The following HSD17B12 variants were observed in gnomAD, a reference collection of about 807,000 sequenced individuals.
HSD17B12 encodes hydroxysteroid 17-beta dehydrogenase 12, also known as very-long-chain 3-oxoacyl-CoA reductase.
HSD17B12 carries 32 observed loss-of-function variants against 39.3 expected under a neutral mutation model. The observed-to-expected ratio is 0.81, with a 90% CI of 0.61 to 1.09. HSD17B12 has a LOEUF of 1.09. HSD17B12 is among the 50% of genes least tolerant of loss of function. The pLI, the probability that HSD17B12 is intolerant of heterozygous loss-of-function variation, is 0.00. For missense variants in HSD17B12, 342 were observed against 382.9 expected (o/e 0.89, Z 0.89); for synonymous variants, 150 against 146.7 (o/e 1.02, Z -0.16).
intron 9 of HSD17B12, among the ~76,000 whole-genome samples, chr11:43,847,017 AT>A (rs1951482312): frequency 6.6e-6 from 1 of 152,186 alleles, no homozygotes; most frequent in African/African-American, 2.4e-5. Flanking sequence ...AAATAAGACA[AT>A]TGTATAGAGT....
rs560559765 is a variant in HSD17B12 at position 43,681,006 on chromosome 11, C to T, written c.160+19C>T. 7.6e-6 allele frequency: 12 copies of T among 1,569,362 alleles called. No individual in the cohort carries two copies. The highest frequency in any genetic ancestry group is 1.0e-5 in the Non-Finnish European group (12 of 1,154,864). On this transcript the variant is annotated intron_variant, in intron 1 of 10. Transcript: ENST00000278353. ...TGGGCAGGTGAGTCGGATGCAGCGC[C>T]GCGTCCTCGCTCCCGCGGCGGCCCG...
intron 1 of HSD17B12, among the ~76,000 whole-genome samples, chr11:43,727,199 C>T (rs996093164): frequency 3.9e-5 from 6 of 152,188 alleles, no homozygotes; most frequent in African/African-American, 1.4e-4. Flanking sequence ...TGAATGTGGT[C>T]TTGCTGGTGC....
At chr11:43,734,163 A>T in intron 1 of HSD17B12, 2 of 1,569,704 alleles carry the variant, frequency 1.3e-6, no homozygotes, top group Non-Finnish European at 1.7e-6. Flanking sequence ...GATGCTGGAG[A>T]ACTAATCACC....
At chr11:43,628,247 CA>C in the HSD17B12 span, among the ~76,000 whole-genome samples, 1 of 151,164 alleles carries the variant, frequency 6.6e-6, no homozygotes, top group African/African-American at 2.4e-5. Flanking sequence ...AAACAAAAAC[CA>C]AAAAAAACCT....
chr11:43,808,074 A>G (rs891630168), intron 4 of HSD17B12, among the ~76,000 whole-genome samples: 1 of 152,208 alleles, frequency 6.6e-6, no homozygotes, highest in African/African-American at 2.4e-5. Context: ...CCCCAAGACA[A>G]GAAACCCTGG....
At chr11:43,782,713 A>G (rs1374637244) in intron 3 of HSD17B12, among the ~76,000 whole-genome samples, 3 of 152,052 alleles carry the variant, frequency 2.0e-5, no homozygotes, top group Non-Finnish European at 2.9e-5. Flanking sequence ...AGCCCATTGT[A>G]ATTATGATAA....
chr11:43,691,172 G>T (rs963056601), intron 1 of HSD17B12, among the ~76,000 whole-genome samples: 3 of 152,176 alleles, frequency 2.0e-5, no homozygotes, highest in African/African-American at 4.8e-5. Flanking sequence ...GGCAAATTCT[G>T]ATGCCTCAGG....
At chr11:43,656,017 G>C in the HSD17B12 span, among the ~76,000 whole-genome samples, 272 of 152,186 alleles carry the variant, frequency 1.8e-3, 2 homozygotes, top group African/African-American at 6.1e-3. Flanking sequence ...AGAATTTGGC[G>C]GTGAATCCAT....
intron 1 of HSD17B12, among the ~76,000 whole-genome samples, chr11:43,686,562 C>A (rs186507652): frequency 1.3e-5 from 2 of 151,768 alleles, no homozygotes; most frequent in East Asian, 3.9e-4. Flanking sequence ...TTCCCTCACT[C>A]CCCTCCCGAC....
chr11:43,723,793 T>G (rs901053879), intron 1 of HSD17B12, among the ~76,000 whole-genome samples: 1 of 152,192 alleles, frequency 6.6e-6, no homozygotes, highest in African/African-American at 2.4e-5. Context: ...GGTTTATTTT[T>G]AGACCTGCGT....
chr11:43,708,195 A>G lies in HSD17B12; in HGVS notation c.160+27208A>G, dbSNP rs554809758. The stretch of plus-strand genomic sequence containing the variant: ...AAAACATGATATCCTGGGTAACAGC[A>G]TAGAGGTAATCACATTACTTTTAAC... On this transcript the variant is annotated intron_variant, in intron 1 of 10. Transcript: ENST00000278353. Among the ~76,000 whole-genome samples, 3 of 152,344 alleles carry G rather than the reference A, an allele frequency of 2.0e-5. No individual in the cohort carries two copies. In the East Asian group the frequency reaches 5.8e-4, roughly 29 times the overall value.
At chr11:43,711,883 AT>A (rs2134837137) in intron 1 of HSD17B12, among the ~76,000 whole-genome samples, 2 of 152,280 alleles carry the variant, frequency 1.3e-5, no homozygotes, top group Non-Finnish European at 2.9e-5. Context: ...TGATAAAGAT[AT>A]ACATTGTAAA....
At chr11:43,718,225 ATGGAAGGTAT>A (rs1218677746) in intron 1 of HSD17B12, among the ~76,000 whole-genome samples, 1 of 152,190 alleles carries the variant, frequency 6.6e-6, no homozygotes, top group Non-Finnish European at 1.5e-5. Context: ...GTGGCATGAG[ATGGAAGGTAT>A]TGTTGCAGCT....
intron 4 of HSD17B12, among the ~76,000 whole-genome samples, chr11:43,810,326 A>G (rs1057224235): frequency 1.1e-4 from 16 of 148,640 alleles, no homozygotes; most frequent in African/African-American, 2.5e-4. Context: ...TTTTAAGAGC[A>G]TAAAATTTGG....
chr11:43,800,129 A>G (rs1950952568), intron 4 of HSD17B12, among the ~76,000 whole-genome samples: 1 of 152,248 alleles, frequency 6.6e-6, no homozygotes, highest in South Asian at 2.1e-4. Context: ...TCCTTCACCT[A>G]GATCTGGAAT....
rs115647599 is a variant in HSD17B12 at position 43,715,951 on chromosome 11, G to A, written c.161-34960G>A. Among the ~76,000 whole-genome samples, 220 of 152,266 alleles carry A rather than the reference G, an allele frequency of 1.4e-3. 3 individuals carry two copies. Among genetic ancestry groups the A allele is most frequent in the African/African-American group, 5.1e-3 (212 of 41,550 alleles). ...ATTATGACTCTGATGGTGCATATGT[G>A]TATCTGTTTAGTCCTTTGAACTTTT... On this transcript the variant is annotated intron_variant, in intron 1 of 10. Transcript: ENST00000278353.
At chr11:43,693,471 T>C (rs1339212318) in intron 1 of HSD17B12, among the ~76,000 whole-genome samples, 3 of 152,176 alleles carry the variant, frequency 2.0e-5, no homozygotes, top group African/African-American at 7.2e-5. Context: ...TGCCATGCTC[T>C]TGGTACACCC....
Position 43,838,297 on chromosome 11 carries a change from C to T in HSD17B12, c.537-20C>T, listed in dbSNP as rs371293124. On this transcript the variant is annotated intron_variant, in intron 7 of 10. Transcript: ENST00000278353. ...ATACTGTGGCTTCACTCCTTTTACA[C>T]GGTACATTTTCCTTTTTAGATCCAA... 90 of 1,567,714 alleles carry T rather than the reference C, an allele frequency of 5.7e-5. No homozygotes were observed. The East Asian group carries it at 6.5e-4, about 11-fold the overall frequency.
chr11:43,723,499 T>G (rs1950193743), intron 1 of HSD17B12, among the ~76,000 whole-genome samples: 1 of 152,214 alleles, frequency 6.6e-6, no homozygotes, highest in East Asian at 1.9e-4. Flanking sequence ...CACTCTAATT[T>G]TATTATAATT....
Sources: allele counts gnomAD v4.1 joint callset (sites outside exome capture counted in the v4.1 genomes callset), GRCh38; gene constraint gnomAD v4.1.1; transcripts MANE v1.5; gene names NCBI Gene and HGNC (gene_info 2026-07-23, HGNC 2026-07-21).